Variants in NTRK2 observed in about 807,000 individuals in gnomAD.
NTRK2 encodes neurotrophic receptor tyrosine kinase 2, also known as BDNF/NT-3 growth factors receptor.
NTRK2 carries 13 observed loss-of-function variants against 94.5 expected under a neutral mutation model. The observed-to-expected ratio is 0.14, with a 90% CI of 0.09 to 0.22. The LOEUF is 0.22. Among genes scored for constraint, NTRK2 ranks in the 10% least tolerant of loss-of-function variants. The probability of loss-of-function intolerance (pLI) is 1.00; values close to 1 mark genes in which losing one functional copy is unlikely to be tolerated. For missense variants in NTRK2, 639 were observed against 1,071.2 expected, an observed-to-expected ratio of 0.60 and a Z score of 5.63; for synonymous variants, 372 against 407.4, an observed-to-expected ratio of 0.91 and a Z score of 1.05.
intron 15 of NTRK2, among the ~76,000 whole-genome samples, chr9:84,936,643 T>G (rs755286835): frequency 2.6e-5 from 4 of 152,190 alleles, no homozygotes; most frequent in Non-Finnish European, 5.9e-5. Flanking sequence ...GATGAGTGCT[T>G]CTTTAATCAA....
At chr9:84,684,687 G>T (rs2059603168) in intron 2 of NTRK2, among the ~76,000 whole-genome samples, 1 of 152,122 alleles carries the variant, frequency 6.6e-6, no homozygotes, top group South Asian at 2.1e-4. Context: ...TTTGTCCTTT[G>T]TCAACCAGTT....
chr9:84,746,925 G>T lies in NTRK2; in HGVS notation c.1296+1852G>T, dbSNP rs903565437. On this transcript the variant is annotated intron_variant, in intron 11 of 18. Transcript: ENST00000277120. ...TTCTTTAGTAAGACTCTTAGTAGGG[G>T]CAACGTGGTCAGTGTTTTTCACAGC... Among the ~76,000 whole-genome samples, 18 of 152,256 alleles carry T rather than the reference G, an allele frequency of 1.2e-4. No individual in the cohort carries two copies. In the South Asian group the frequency reaches 3.7e-3, roughly 32 times the overall value.
intron 14 of NTRK2, among the ~76,000 whole-genome samples, chr9:84,887,569 T>C (rs959480379): frequency 2.0e-5 from 3 of 152,226 alleles, no homozygotes; most frequent in Admixed American, 2.0e-4. Flanking sequence ...AAGAAAATGA[T>C]TTTATATCAT....
At chr9:84,792,670 C>T (rs2068852098) in intron 12 of NTRK2, among the ~76,000 whole-genome samples, 1 of 152,188 alleles carries the variant, frequency 6.6e-6, no homozygotes, top group South Asian at 2.1e-4. Flanking sequence ...TACTGAGGCA[C>T]TGTACTAAGG....
chr9:84,718,897 T>C (rs2061881633), intron 6 of NTRK2, among the ~76,000 whole-genome samples: 1 of 152,216 alleles, frequency 6.6e-6, no homozygotes, highest in Non-Finnish European at 1.5e-5. Context: ...CGCTGTAGAA[T>C]TAACATGAGT....
chr9:84,676,855 G>A (rs1265879930), intron 2 of NTRK2, among the ~76,000 whole-genome samples: 1 of 152,176 alleles, frequency 6.6e-6, no homozygotes, highest in Non-Finnish European at 1.5e-5. Context: ...ACTCATCTCT[G>A]TGAGAGACCA....
In NTRK2 at chr9:84,702,344, A is replaced by T. The variant is rs746067158; in HGVS notation, c.288-4A>T. On this transcript the variant is annotated splice_region_variant and splice_polypyrimidine_tract_variant and intron_variant, in intron 3 of 18. Transcript: ENST00000277120. ...AATGTGCATGAAATTATGTGTTTTC[A>T]CAGGACAATTGTGGATTCTGGATTA... The T allele has an allele frequency of 6.2e-7, 1 of 1,614,182 alleles. No homozygotes were observed. The highest frequency in any genetic ancestry group is 1.1e-5 in the South Asian group (1 of 91,076).
chr9:84,799,304 TA>T (rs200463455), intron 12 of NTRK2, among the ~76,000 whole-genome samples: 32 of 150,106 alleles, frequency 2.1e-4, no homozygotes, highest in Non-Finnish European at 3.4e-4. Context: ...CTAAGTCAGA[TA>T]AAAAAAAAAT....
chr9:84,826,934 C>T (rs559808668), intron 12 of NTRK2, among the ~76,000 whole-genome samples: 2 of 152,222 alleles, frequency 1.3e-5, no homozygotes, highest in South Asian at 4.2e-4. Context: ...AGATCTGAAG[C>T]CTATCAGAAG....
intron 6 of NTRK2, among the ~76,000 whole-genome samples, chr9:84,711,742 G>A (rs2061430236): frequency 6.6e-6 from 1 of 152,124 alleles, no homozygotes; most frequent in Admixed American, 6.5e-5. Flanking sequence ...GAAAAATGGA[G>A]CTGCTGCACA....
chr9:84,673,274 A>G (rs2058814584), intron 2 of NTRK2, among the ~76,000 whole-genome samples: 1 of 152,020 alleles, frequency 6.6e-6, no homozygotes, highest in Admixed American at 6.6e-5. Flanking sequence ...CGCTTGTTTC[A>G]CTCGCATCCT....
At chr9:84,911,475 T>A (rs1288289801) in intron 14 of NTRK2, among the ~76,000 whole-genome samples, 2 of 152,094 alleles carry the variant, frequency 1.3e-5, no homozygotes, top group African/African-American at 2.4e-5. Flanking sequence ...GCTATTCAAA[T>A]TAGGTATTTC....
At chr9:84,672,636 G>A (rs2058770771) in intron 2 of NTRK2, among the ~76,000 whole-genome samples, 1 of 152,096 alleles carries the variant, frequency 6.6e-6, no homozygotes, top group Admixed American at 6.5e-5. Flanking sequence ...GGTGATAGAT[G>A]CATATAATGA....
At chr9:84,812,361 G>C in intron 12 of NTRK2, 1 of 1,058,644 alleles carries the variant, frequency 9.4e-7, no homozygotes, top group African/African-American at 1.6e-5. Context: ...CTTAAAGAGG[G>C]GCAGTTTCTC....
chr9:84,873,092 A>G (rs1173265880), intron 14 of NTRK2: 1 of 1,064,320 alleles, frequency 9.4e-7, no homozygotes, highest in Non-Finnish European at 1.1e-6. Context: ...GTTACCAGAG[A>G]TTATCTGCAG....
At chr9:84,793,055 G>A (rs977681367) in intron 12 of NTRK2, among the ~76,000 whole-genome samples, 3 of 152,146 alleles carry the variant, frequency 2.0e-5, no homozygotes, top group Non-Finnish European at 2.9e-5. Flanking sequence ...TGTACAGAGC[G>A]TGCACAGTTA....
chr9:85,015,580 C>A (rs774789287), intron 17 of NTRK2, among the ~76,000 whole-genome samples: 10 of 152,182 alleles, frequency 6.6e-5, no homozygotes, highest in Non-Finnish European at 1.5e-4. Flanking sequence ...CCTGCCTCAT[C>A]CCCCACCAGA....
At chr9:84,802,254 C>T (rs2070567209) in intron 12 of NTRK2, among the ~76,000 whole-genome samples, 1 of 152,074 alleles carries the variant, frequency 6.6e-6, no homozygotes, top group South Asian at 2.1e-4. Context: ...TTTGGAATGC[C>T]TTAGCTGGCC....
chr9:84,857,409 C>G (rs1326617938), intron 12 of NTRK2, among the ~76,000 whole-genome samples: 3 of 152,206 alleles, frequency 2.0e-5, no homozygotes, highest in Non-Finnish European at 4.4e-5. Flanking sequence ...CAGGACTCTA[C>G]TCCCCATGGA....
Sources: gnomAD v4.1 joint callset for allele counts (sites outside exome capture counted in the v4.1 genomes callset) on GRCh38, gnomAD v4.1.1 for gene constraint, MANE v1.5 for transcripts, NCBI Gene and HGNC (gene_info 2026-07-23, HGNC 2026-07-21) for gene names.